Variants in LTBP1 observed in about 807,000 individuals in gnomAD.
The protein encoded by LTBP1 is latent transforming growth factor beta binding protein 1, also known as latent-transforming growth factor beta-binding protein 1.
A neutral mutation model predicts 207.6 loss-of-function variants in LTBP1; 129 were observed. The ratio of observed to expected loss-of-function variants is 0.62; its 90% CI spans 0.54 to 0.72. The LOEUF (loss-of-function observed/expected upper bound fraction) is 0.72, where lower values mean the gene tolerates loss of function less well. LTBP1 is among the 30% of genes least tolerant of loss of function. The pLI is 0.00. For synonymous variants in LTBP1, 963 were observed against 833.7 expected, an observed-to-expected ratio of 1.16 and a Z score of -2.67; for missense variants, 2,281 against 2,217.2, an observed-to-expected ratio of 1.03 and a Z score of -0.58.
At chr2:33,316,944 G>A (rs1315897738) in intron 24 of LTBP1, among the ~76,000 whole-genome samples, 1 of 152,118 alleles carries the variant, frequency 6.6e-6, no homozygotes, top group Non-Finnish European at 1.5e-5. Flanking sequence ...TATAACTACT[G>A]ATGGTTGTGC....
chr2:33,188,675 C>T lies in LTBP1; in HGVS notation c.1525C>T (p.Gln509Ter), dbSNP rs754276694. Reference sequence around the variant, plus strand: ...TTCAAGAATTGATGGCCCAACAGGCCAGAAGACAAAAGAAGCTCAACCAGG... The same window carrying T: ...TTCAAGAATTGATGGCCCAACAGGCTAGAAGACAAAAGAAGCTCAACCAGG... Reference protein sequence around the residue: ...QVSRIDGPTGQKTKEAQPGQS... With the variant: ...QVSRIDGPTG The change falls in exon 7 of 34, where the codon CAG becomes TAG. Residue 509 changes from glutamine (Q) to a stop codon, truncating the protein, a stop_gained. Transcript: ENST00000404816. LOFTEE classifies it high-confidence loss of function. 1 of 1,614,082 alleles carries T rather than the reference C, an allele frequency of 6.2e-7. No homozygotes were observed. The highest frequency in any genetic ancestry group is 8.5e-7 in the Non-Finnish European group (1 of 1,180,018).
chr2:33,204,518 C>T (rs918094474), intron 7 of LTBP1, among the ~76,000 whole-genome samples: 2 of 152,120 alleles, frequency 1.3e-5, no homozygotes, highest in Non-Finnish European at 2.9e-5. Context: ...CAAGCTCTAA[C>T]GGAGTTGTTA....
At chr2:33,282,167 G>C (rs2093571792) in intron 19 of LTBP1, among the ~76,000 whole-genome samples, 1 of 151,736 alleles carries the variant, frequency 6.6e-6, no homozygotes, top group Non-Finnish European at 1.5e-5. Context: ...ATCATAAGCA[G>C]AAATATTAGA....
At chr2:32,971,018 G>A (rs890169418) in intron 2 of LTBP1, among the ~76,000 whole-genome samples, 1 of 150,618 alleles carries the variant, frequency 6.6e-6, no homozygotes, top group African/African-American at 2.4e-5. Flanking sequence ...GTGTGTGTGT[G>A]TGTGTGTGTG....
chr2:32,964,378 A>G (rs1679619747), intron 2 of LTBP1, among the ~76,000 whole-genome samples: 1 of 152,180 alleles, frequency 6.6e-6, no homozygotes, highest in African/African-American at 2.4e-5. Context: ...TCTTTCCACA[A>G]AATAAATAAA....
rs2089885685 is a variant in LTBP1 at position 33,206,461 on chromosome 2, C to T, written c.1702-11091C>T. ...TGGTTGTAGAAATAAGCATTGGAGG[C>T]CAGGCACAGTGGCTCACCCCTGTAA... On this transcript the variant is annotated intron_variant, in intron 7 of 33. Coordinates refer to ENST00000404816, the MANE Select transcript of LTBP1 (RefSeq NM_206943.4). Among the ~76,000 whole-genome samples the T allele has an allele frequency of 2.6e-5, 4 of 152,102 alleles. 1 individual carries two copies. Among genetic ancestry groups the T allele is most frequent in the South Asian group, 4.1e-4 (2 of 4,822 alleles).
chr2:33,219,013 C>G lies in LTBP1; in HGVS notation c.1804+1359C>G, dbSNP rs147339850. Among the ~76,000 whole-genome samples, 29 of 152,198 alleles carry G rather than the reference C, an allele frequency of 1.9e-4. No homozygotes were observed. The East Asian group carries it at 3.1e-3, about 16-fold the overall frequency. On this transcript the variant is annotated intron_variant, in intron 8 of 33. Coordinates refer to ENST00000404816, the MANE Select transcript of LTBP1 (RefSeq NM_206943.4). Reference sequence around the variant, plus strand: ...ATATCTCTTTCTTACATTATTTGTTCTTCTACCAGTATAACAATTCATTTT... The same window carrying G: ...ATATCTCTTTCTTACATTATTTGTTGTTCTACCAGTATAACAATTCATTTT...
chr2:33,360,532 C>T (rs2094915959), intron 26 of LTBP1, 65 bp from the exon 27 acceptor site: 1 of 1,045,784 alleles, frequency 9.6e-7, no homozygotes, highest in South Asian at 1.4e-5. Context: ...ATTGCATTCT[C>T]TACTTGTTGT....
At chr2:33,050,434 G>T (rs1292658050) in intron 3 of LTBP1, among the ~76,000 whole-genome samples, 2 of 151,982 alleles carry the variant, frequency 1.3e-5, no homozygotes, top group Non-Finnish European at 2.9e-5. Flanking sequence ...TCTCCATGTG[G>T]AGAAATTTCA....
At chr2:33,083,925 G>A (rs2078600821) in intron 3 of LTBP1, among the ~76,000 whole-genome samples, 1 of 152,148 alleles carries the variant, frequency 6.6e-6, no homozygotes, top group Non-Finnish European at 1.5e-5. Context: ...TGACCTGGAA[G>A]GACATTGGAT....
Position 33,262,717 on chromosome 2 carries a change from T to C in LTBP1, c.2419-5T>C. On this transcript the variant is annotated splice_polypyrimidine_tract_variant and splice_region_variant and intron_variant, in intron 13 of 33. Transcript: ENST00000404816. ...CTTATTCTCTTTTAAAATACAACCA[T>C]CCAGGAAATACCTTCATTGGATCAA... The C allele has an allele frequency of 6.6e-7, 1 of 1,513,282 alleles. No homozygotes were observed. Among genetic ancestry groups the C allele is most frequent in the Non-Finnish European group, 9.1e-7 (1 of 1,099,450 alleles). 93.7% of individuals were successfully genotyped at this position (1,513,282 alleles called of 1,614,324 possible).
At chr2:33,162,642 AGAT>A (rs2084569188) in intron 5 of LTBP1, among the ~76,000 whole-genome samples, 1 of 152,230 alleles carries the variant, frequency 6.6e-6, no homozygotes, top group South Asian at 2.1e-4. Context: ...TCACTCATGA[AGAT>A]GATGAATAAG....
chr2:33,161,963 T>C (rs115878269), intron 5 of LTBP1, among the ~76,000 whole-genome samples: 2,259 of 152,302 alleles, frequency 0.015, 23 homozygotes, highest in East Asian at 0.027. Context: ...TTGCCAGAAG[T>C]GGGCATGCTT....
chr2:33,243,896 C>T, intron 10 of LTBP1, 112 bp downstream of exon 10: 1 of 1,209,274 alleles, frequency 8.3e-7, no homozygotes, highest in Non-Finnish European at 1.2e-6. Flanking sequence ...TACAGGAAAA[C>T]CTCATTAATT....
chr2:33,026,380 C>G (rs1003075321), intron 3 of LTBP1, among the ~76,000 whole-genome samples: 1 of 152,074 alleles, frequency 6.6e-6, no homozygotes, highest in African/African-American at 2.4e-5. Context: ...AGGCTCCAAT[C>G]AATGTTTGCT....
intron 2 of LTBP1, among the ~76,000 whole-genome samples, chr2:32,983,939 G>A (rs1683149562): frequency 6.6e-6 from 1 of 152,176 alleles, no homozygotes; most frequent in Non-Finnish European, 1.5e-5. Context: ...TCTTAAGTTA[G>A]ATCTTTGGAA....
chr2:33,141,601 G>T (rs2082649907), intron 5 of LTBP1, among the ~76,000 whole-genome samples: 1 of 152,168 alleles, frequency 6.6e-6, no homozygotes, highest in Non-Finnish European at 1.5e-5. Context: ...TGGAGAATGG[G>T]GAGTGTTGGT....
intron 3 of LTBP1, among the ~76,000 whole-genome samples, chr2:33,078,862 C>CTTTTTTTTTTTT (rs34843933): frequency 5.9e-4 from 63 of 106,878 alleles, no homozygotes; most frequent in South Asian, 1.1e-3. Flanking sequence ...CTTTTCTTTT[C>CTTTTTTTTTTTT]TTTTTTTTTT....
chr2:33,016,875 T>C (rs1412646069), intron 2 of LTBP1, among the ~76,000 whole-genome samples: 1 of 151,976 alleles, frequency 6.6e-6, no homozygotes, highest in Non-Finnish European at 1.5e-5. Context: ...ATACAAAAAT[T>C]AGCTGGGCAT....
Sources: allele counts gnomAD v4.1 joint callset (sites outside exome capture counted in the v4.1 genomes callset), GRCh38; gene constraint gnomAD v4.1.1; transcripts MANE v1.5; gene names NCBI Gene and HGNC (gene_info 2026-07-23, HGNC 2026-07-21).